Variants in TACO1 observed in about 807,000 individuals in gnomAD.
TACO1 encodes the protein translational activator of cytochrome c oxidase I.
Under a neutral mutation model 24.0 loss-of-function variants are expected in TACO1, and 13 were observed. That is an observed-to-expected ratio of 0.54 (90% CI 0.35 to 0.86). The LOEUF is 0.86. TACO1 is among the 40% of genes least tolerant of loss of function. TACO1 has a pLI of 0.01. For missense variants in TACO1, 352 were observed against 380.1 expected (o/e 0.93, Z 0.61); for synonymous variants, 149 against 153.5 (o/e 0.97, Z 0.22).
In TACO1 at chr17:63,607,995, T is replaced by G; in HGVS notation, c.887T>G (p.Ile296Ser). Residue 296 changes from isoleucine to serine, a missense_variant, in exon 5 of 5, where the codon ATT (isoleucine) becomes AGT (serine). By Grantham distance (142) the Ile-to-Ser change is moderately radical (BLOSUM62 -2). Coordinates refer to ENST00000258975, the MANE Select transcript of TACO1 (RefSeq NM_016360.4). ...HEDVIHVYDN[I>S]E ...GATGTGATTCACGTCTATGATAACATTGAATAACCAGGCTACATGTGCCCC... is the reference window on the plus strand; with the variant it reads ...GATGTGATTCACGTCTATGATAACAGTGAATAACCAGGCTACATGTGCCCC... 2.5e-6 allele frequency: 4 copies of G among 1,614,124 alleles called. No individual in the cohort carries two copies. The highest frequency in any genetic ancestry group is 3.4e-6 in the Non-Finnish European group (4 of 1,180,026).
In TACO1 at chr17:63,607,389, C is replaced by T. The variant is rs554362236; in HGVS notation, c.618C>T (p.Ala206=). The T allele has an allele frequency of 6.3e-5, 101 of 1,614,066 alleles. 1 individual carries two copies. The South Asian group carries it at 1.0e-3, about 16-fold the overall frequency. ...AGAAGGCTGTGAACCTAGAGCGTGC[C>T]CTGGAGATGGCAATCGAAGCAGGAG... ...REKKAVNLER[A]LEMAIEAGAE... The change falls in exon 4 of 5, where the codon GCC becomes GCT. Residue 206 remains alanine, a synonymous_variant. Coordinates refer to ENST00000258975, the MANE Select transcript of TACO1 (RefSeq NM_016360.4).
chr17:63,606,737 C>T, intron 3 of TACO1: 3 of 414,132 alleles, frequency 7.2e-6, no homozygotes, highest in South Asian at 2.2e-5. Flanking sequence ...GTAGAGGTGA[C>T]AGGGTTTCAT....
In TACO1 at chr17:63,601,193, C is replaced by G; in HGVS notation, c.110C>G (p.Pro37Arg). ...CCGCGCGACCCCCGGCCCTCCCACC[C>G]CGAGCCCCGGGGCTGCGGTGCCGCT... The part of the protein sequence containing the change: ...APPRDPRPSH[P>R]EPRGCGAAPG... The change falls in exon 1 of 5, where the codon CCC becomes CGC. Residue 37 changes from proline (P) to arginine (R), a missense_variant. Transcript: ENST00000258975. 1 of 1,560,610 alleles carries G rather than the reference C, an allele frequency of 6.4e-7. No individual in the cohort carries two copies. Among genetic ancestry groups the G allele is most frequent in the African/African-American group, 1.4e-5 (1 of 73,872 alleles).
intron 1 of TACO1, among the ~76,000 whole-genome samples, chr17:63,603,936 T>C (rs1231500289): frequency 1.3e-5 from 2 of 150,496 alleles, no homozygotes; most frequent in African/African-American, 4.9e-5. Context: ...GGAGGATCGC[T>C]TGAACCCTGG....
Position 63,601,126 on chromosome 17 carries a change from C to T in TACO1, c.43C>T (p.Arg15Ter). ...AAASLSRAAA[R>*]CLLARGPGVR... ...TGCCAGCCTAAGCAGGGCCGCTGCC[C>T]GATGCTTGCTGGCACGAGGCCCCGG... The change falls in exon 1 of 5, where the codon CGA becomes TGA. Residue 15 changes from arginine (R) to a stop codon, truncating the protein, a stop_gained. Coordinates refer to ENST00000258975, the MANE Select transcript of TACO1 (RefSeq NM_016360.4). LOFTEE classifies it high-confidence loss of function. 6.5e-7 allele frequency: 1 copy of T among 1,542,908 alleles called. No individual in the cohort carries two copies.
At chr17:63,604,263 A>G (rs1426938227) in intron 1 of TACO1, among the ~76,000 whole-genome samples, 1 of 151,808 alleles carries the variant, frequency 6.6e-6, no homozygotes, top group Non-Finnish European at 1.5e-5. Context: ...ACTTGAACCC[A>G]GGAGGTGGAT....
At position 63,606,436 on chromosome 17, in the gene TACO1, A is replaced by C. The variant is rs886053234; in HGVS notation, c.511A>C (p.Asn171His). 1.2e-6 allele frequency: 2 copies of C among 1,614,130 alleles called. No individual in the cohort carries two copies. Residue 171 changes from asparagine (N) to histidine (H), a missense_variant, in exon 3 of 5, where the codon AAT (asparagine) becomes CAT (histidine). Asn to His is a moderately conservative substitution (Grantham distance 68, BLOSUM62 1). Transcript: ENST00000258975. ...AGACATTAGACATATCCTGAATAAG[A>C]ATGGGTAAGTGTGCGTCTGGGAGGA... ...QADIRHILNK[N>H]GGVMAVGARH...
At chr17:63,601,834 A>G (rs1040615019) in intron 1 of TACO1, among the ~76,000 whole-genome samples, 1 of 152,128 alleles carries the variant, frequency 6.6e-6, no homozygotes, top group Non-Finnish European at 1.5e-5. Flanking sequence ...ATGTTTCCCC[A>G]AGACACATTT....
Position 63,601,748 on chromosome 17 carries a change from G to T in TACO1, c.280+385G>T, listed in dbSNP as rs563485863. On this transcript the variant is annotated intron_variant, in intron 1 of 4. Coordinates refer to ENST00000258975, the MANE Select transcript of TACO1 (RefSeq NM_016360.4). ...CTGAAGTCGCCTCAAGTACCTTATT[G>T]GTTGTGGCAGGGGCACTGAGTAAAG... 4.6e-5 allele frequency among the ~76,000 whole-genome samples: 7 copies of T among 152,280 alleles called. No homozygotes were observed. In the East Asian group the frequency reaches 1.3e-3, roughly 29 times the overall value.
Position 63,606,404 on chromosome 17 carries a change from G to A in TACO1, c.479G>A (p.Cys160Tyr), listed in dbSNP as rs1350426737. The change falls in exon 3 of 5, where the codon TGC (cysteine) becomes TAC (tyrosine). Residue 160 changes from cysteine (C) to tyrosine (Y), a missense_variant. Physicochemically the swap from Cys to Tyr is radical, Grantham distance 194 (BLOSUM62 -2). Transcript: ENST00000258975. ...IEALSNSSHKCQADIRHILNK... is the reference protein window; with the variant it reads ...IEALSNSSHKYQADIRHILNK... The stretch of plus-strand genomic sequence containing the variant: ...GCATTATCTAACAGTAGCCACAAGT[G>A]CCAAGCAGACATTAGACATATCCTG... 3.1e-6 allele frequency: 5 copies of A among 1,614,218 alleles called. No individual in the cohort carries two copies. Among genetic ancestry groups the A allele is most frequent in the Non-Finnish European group, 4.2e-6 (5 of 1,180,052 alleles).
chr17:63,606,582 G>T (rs2033864192), intron 3 of TACO1, 142 bp downstream of exon 3: 5 of 1,061,062 alleles, frequency 4.7e-6, no homozygotes, highest in Non-Finnish European at 7.1e-6. Flanking sequence ...TCTCACTCTT[G>T]TCGCCCAGGC....
intron 3 of TACO1, 132 bp downstream of exon 3, chr17:63,606,572 TCTCA>T: frequency 2.5e-6 from 3 of 1,192,280 alleles, no homozygotes; most frequent in Non-Finnish European, 3.7e-6. Context: ...TGAGACGGAG[TCTCA>T]CTCTTGTCGC....
At chr17:63,607,586 G>A in intron 4 of TACO1, 122 bp downstream of exon 4, 1 of 1,091,968 alleles carries the variant, frequency 9.2e-7, no homozygotes, top group South Asian at 1.3e-5. Flanking sequence ...TTCACATATT[G>A]TACAAACATT....
In TACO1 at chr17:63,607,889, A is replaced by T. The variant is rs754023276; in HGVS notation, c.781A>T (p.Ile261Phe). 1.2e-6 allele frequency: 2 copies of T among 1,614,220 alleles called. No individual in the cohort carries two copies. The highest frequency in any genetic ancestry group is 1.1e-5 in the South Asian group (1 of 91,088). ...LCSVSCALEF[I>F]PNSKVQLAEP... Reference sequence around the variant, plus strand: ...TTCTGTGTCCTGTGCACTAGAGTTCATCCCCAACTCAAAGGTGCAGCTGGC... The same window carrying T: ...TTCTGTGTCCTGTGCACTAGAGTTCTTCCCCAACTCAAAGGTGCAGCTGGC... Residue 261 changes from isoleucine to phenylalanine, a missense_variant, in exon 5 of 5, where the codon ATC (isoleucine) becomes TTC (phenylalanine). Physicochemically the swap from Ile to Phe is conservative, Grantham distance 21. Transcript: ENST00000258975.
rs1367676456 is a variant in TACO1, at chr17:63,600,924, GTCA to G, written c.-158_-156del. The G allele has an allele frequency of 4.5e-5, 34 of 753,804 alleles. No individual in the cohort carries two copies. The highest frequency in any genetic ancestry group is 3.6e-4 in the Admixed American group (15 of 42,068). 46.7% of individuals were successfully genotyped at this position (753,804 alleles called of 1,614,324 possible). Reference sequence around the variant, plus strand: ...CCGGGTGCCGCGGGGACAGTGTAGGGTCATTAGCTGTTGAGCCGCCCCGGGCGG... The same window carrying G: ...CCGGGTGCCGCGGGGACAGTGTAGGGTTAGCTGTTGAGCCGCCCCGGGCGG... On this transcript the variant is annotated 5_prime_UTR_variant, in exon 1 of 5. Transcript: ENST00000258975.
At chr17:63,606,192 G>T in intron 2 of TACO1, 121 bp from the exon 3 acceptor site, 1 of 1,291,874 alleles carries the variant, frequency 7.7e-7, no homozygotes, top group South Asian at 1.2e-5. Flanking sequence ...AAGATTGAGA[G>T]CTCAGGCTCC....
intron 3 of TACO1, 93 bp from the exon 4 acceptor site, chr17:63,607,194 G>A (rs1212871798): frequency 4.3e-6 from 5 of 1,160,076 alleles, no homozygotes; most frequent in Non-Finnish European, 6.4e-6. Flanking sequence ...TCATAGACTG[G>A]GTAAGAAAGA....
At chr17:63,602,090 C>CAAAA (rs11288092) in intron 1 of TACO1, among the ~76,000 whole-genome samples, 31 of 84,144 alleles carry the variant, frequency 3.7e-4, no homozygotes, top group South Asian at 1.3e-3. Context: ...CTAAAAATAA[C>CAAAA]AAAAAAAAAA....
At chr17:63,605,139 A>T (rs1451106219) in intron 2 of TACO1, among the ~76,000 whole-genome samples, 8 of 152,212 alleles carry the variant, frequency 5.3e-5, no homozygotes, top group Admixed American at 5.2e-4. Context: ...AGTAGGATGC[A>T]TAGGCAGTAT....
Sources: allele counts gnomAD v4.1 joint callset (sites outside exome capture counted in the v4.1 genomes callset), GRCh38; gene constraint gnomAD v4.1.1; transcripts MANE v1.5; gene names NCBI Gene and HGNC (gene_info 2026-07-23, HGNC 2026-07-21).